Variants in ZNF827 observed in about 807,000 individuals in gnomAD.
ZNF827 encodes the protein zinc finger protein 827.
In ZNF827, 13 loss-of-function variants were observed where a neutral mutation model predicts 102.4. The observed-to-expected ratio is 0.13, with a 90% confidence interval of 0.08 to 0.20. The LOEUF is 0.20. Ranked by LOEUF, ZNF827 falls within the 10% of genes least tolerant of loss-of-function variation. The probability of loss-of-function intolerance (pLI) is 1.00; values close to 1 mark genes in which losing one functional copy is unlikely to be tolerated. For synonymous variants in ZNF827, 523 were observed against 536.2 expected (o/e 0.98, Z 0.34); for missense variants, 1,103 against 1,344.4 (o/e 0.82, Z 2.81).
chr4:145,774,189 A>G (rs1166334709), intron 11 of ZNF827, among the ~76,000 whole-genome samples: 2 of 152,210 alleles, frequency 1.3e-5, no homozygotes, highest in Non-Finnish European at 2.9e-5. Context: ...GTGCAAAGGC[A>G]TAAGACTGGG....
intron 9 of ZNF827, 78 bp downstream of exon 9, chr4:145,779,296 G>GAGA: frequency 6.5e-7 from 1 of 1,527,994 alleles, no homozygotes; most frequent in East Asian, 2.3e-5. Context: ...GCCTCTCTTA[G>GAGA]AGAAACTCAG....
chr4:145,904,945 C>T (rs372560139), intron 1 of ZNF827, among the ~76,000 whole-genome samples: 53 of 152,266 alleles, frequency 3.5e-4, no homozygotes, highest in East Asian at 1.2e-3. Context: ...CACAAAGAGG[C>T]CAGCTAGGAG....
At chr4:145,836,590 G>T (rs1560980588) in intron 7 of ZNF827, among the ~76,000 whole-genome samples, 1 of 152,042 alleles carries the variant, frequency 6.6e-6, no homozygotes, top group Admixed American at 6.5e-5. Context: ...TCCTGGCTCG[G>T]ACTTCAATCC....
At position 145,874,978 on chromosome 4, in the gene ZNF827, T is replaced by C. The variant is rs1161762409; in HGVS notation, c.1748-4500A>G. Reference sequence around the variant, plus strand: ...CGCTTTTTTGAGGATTTATGAAGAATTCAAGATAAAGGCAAATGTGGGAAA... The same window carrying C: ...CGCTTTTTTGAGGATTTATGAAGAACTCAAGATAAAGGCAAATGTGGGAAA... On this transcript the variant is annotated intron_variant, in intron 4 of 14. Transcript: ENST00000508784. Among the ~76,000 whole-genome samples the C allele has an allele frequency of 4.1e-4, 63 of 152,156 alleles. 1 individual carries two copies. The highest frequency in any genetic ancestry group is 4.1e-3 in the Admixed American group (63 of 15,284).
chr4:145,912,860 G>A (rs1752388033), intron 1 of ZNF827, among the ~76,000 whole-genome samples: 1 of 152,176 alleles, frequency 6.6e-6, no homozygotes, highest in African/African-American at 2.4e-5. Flanking sequence ...TTAAGCACTG[G>A]TTTGTGATAC....
At position 145,765,395 on chromosome 4, in the gene ZNF827, C is replaced by A; in HGVS notation, c.3052+152G>T. 1 of 1,092,298 alleles carries A rather than the reference C, an allele frequency of 9.2e-7. No homozygotes were observed. Among genetic ancestry groups the A allele is most frequent in the Non-Finnish European group, 1.3e-6 (1 of 781,884 alleles). The allele number at this position is 1,092,298 out of a possible 1,614,324, so 67.7% of individuals were successfully genotyped here. On this transcript the variant is annotated intron_variant, in intron 12 of 14. Coordinates refer to ENST00000508784, the MANE Select transcript of ZNF827 (RefSeq NM_001306215.2). The surrounding 1 kb of genome is among the most constrained non-coding windows in gnomAD (Gnocchi z 4.7). ...CCCCATACTCGGATTCAAATTAAGC[C>A]AAAAGAAATACAACCTTTAGGTGAG...
In ZNF827 at chr4:145,765,666, G is replaced by A. The variant is rs1372444463; in HGVS notation, c.2933C>T (p.Ala978Val). The change falls in exon 12 of 15, where the codon GCC becomes GTC. Residue 978 changes from alanine to valine, a missense_variant. Around this residue, in one of 5 missense-constraint regions of ZNF827, gnomAD observed 242 missense variants for 361.9 expected, o/e 0.67. Coordinates refer to ENST00000508784, the MANE Select transcript of ZNF827 (RefSeq NM_001306215.2). The surrounding 1 kb of genome is among the most constrained non-coding windows in gnomAD (Gnocchi z 4.7). ...SSSLSALSDS[A>V]NSKDDSDGSQ... is the part of the protein sequence containing the mutation. ...GCCATCTGAATCATCTTTGCTGTTG[G>A]CTGAATCACTCAGAGCTGAGAGGGA... 6.2e-7 allele frequency: 1 copy of A among 1,614,122 alleles called. No individual in the cohort carries two copies. Among genetic ancestry groups the A allele is most frequent in the Non-Finnish European group, 8.5e-7 (1 of 1,180,020 alleles).
chr4:145,903,904 T>A (rs370817759), intron 1 of ZNF827, among the ~76,000 whole-genome samples: 1 of 152,230 alleles, frequency 6.6e-6, no homozygotes, highest in South Asian at 2.1e-4. Flanking sequence ...GGCTTCTGAC[T>A]GTGACAGTAC....
chr4:145,919,930 A>T (rs1028989863), intron 1 of ZNF827, among the ~76,000 whole-genome samples: 2 of 152,258 alleles, frequency 1.3e-5, no homozygotes, highest in African/African-American at 4.8e-5. Context: ...AAAGGGCACA[A>T]GCTTTGGAAC....
At chr4:145,820,048 C>A (rs1455063657) in intron 8 of ZNF827, 2 of 152,422 alleles carry the variant, frequency 1.3e-5, no homozygotes, top group Non-Finnish European at 2.9e-5. Flanking sequence ...CTACCAACCT[C>A]TCTCTACTTT....
intron 4 of ZNF827, among the ~76,000 whole-genome samples, chr4:145,874,474 A>G (rs1392367622): frequency 6.6e-6 from 1 of 152,214 alleles, no homozygotes; most frequent in Non-Finnish European, 1.5e-5. Context: ...TTCAATGACC[A>G]AAAATATTTA....
intron 8 of ZNF827, among the ~76,000 whole-genome samples, 187 bp downstream of exon 8, chr4:145,823,235 T>G (rs551722649): frequency 6.6e-6 from 1 of 152,364 alleles, no homozygotes; most frequent in African/African-American, 2.4e-5. Flanking sequence ...TGAAGAGGCT[T>G]ATTACTGTAA....
intron 2 of ZNF827, among the ~76,000 whole-genome samples, chr4:145,897,220 T>C (rs542662492): frequency 1.8e-4 from 28 of 152,300 alleles, no homozygotes; most frequent in Middle Eastern, 3.4e-3. Context: ...CAAAACTTCA[T>C]TGGGCTAAAA....
At chr4:145,781,099 G>C (rs1344795258) in intron 8 of ZNF827, among the ~76,000 whole-genome samples, 3 of 150,296 alleles carry the variant, frequency 2.0e-5, no homozygotes, top group South Asian at 2.1e-4. Flanking sequence ...AGGAGGCTGA[G>C]GCAGAAGAAT....
In ZNF827 at chr4:145,762,273, C is replaced by G. The variant is rs1421241910; in HGVS notation, c.*18-675G>C. ...CTTTGTCAGGAAAGGAAGCTGAGGA[C>G]TATGGCAGGGGCATGGGAGGAGAAG... On this transcript the variant is annotated intron_variant, in intron 14 of 14. Coordinates refer to ENST00000508784, the MANE Select transcript of ZNF827 (RefSeq NM_001306215.2). This position sits in a 1 kb window ranked among gnomAD's most constrained non-coding sequence, Gnocchi z 4.9. Among the ~76,000 whole-genome samples the G allele has an allele frequency of 6.6e-6, 1 of 152,064 alleles. No homozygotes were observed. The highest frequency in any genetic ancestry group is 2.4e-5 in the African/African-American group (1 of 41,380).
intron 11 of ZNF827, among the ~76,000 whole-genome samples, chr4:145,773,265 C>T (rs1736557613): frequency 6.6e-6 from 1 of 152,218 alleles, no homozygotes; most frequent in Admixed American, 6.5e-5. Flanking sequence ...AGTCAGACAA[C>T]TGACTGTAAA....
chr4:145,895,666 C>T lies in ZNF827; in HGVS notation c.1094-3251G>A, dbSNP rs143534555. On this transcript the variant is annotated intron_variant, in intron 2 of 14. Coordinates refer to ENST00000508784, the MANE Select transcript of ZNF827 (RefSeq NM_001306215.2). ...CCAGTCATCTCACCGATAACATCTA[C>T]ATTTTTATTTATTCAAGAAAGAAAT... Among the ~76,000 whole-genome samples, 19 of 152,306 alleles carry T rather than the reference C, an allele frequency of 1.2e-4. No homozygotes were observed. In the East Asian group the frequency reaches 3.7e-3, roughly 29 times the overall value.
At chr4:145,858,567 A>G (rs1344185978) in intron 5 of ZNF827, among the ~76,000 whole-genome samples, 1 of 151,206 alleles carries the variant, frequency 6.6e-6, no homozygotes, top group Non-Finnish European at 1.5e-5. Flanking sequence ...GCTTGAGGCC[A>G]GGAGTTTGTG....
chr4:145,777,650 G>A (rs1737324199), intron 9 of ZNF827, among the ~76,000 whole-genome samples: 1 of 152,032 alleles, frequency 6.6e-6, no homozygotes, highest in Non-Finnish European at 1.5e-5. Flanking sequence ...CTAACTTTGA[G>A]TATTTTTGCT....
Sources: allele counts gnomAD v4.1 joint callset (sites outside exome capture counted in the v4.1 genomes callset), GRCh38; gene constraint gnomAD v4.1.1; regional missense constraint gnomAD v4.1.1; non-coding constraint Gnocchi (gnomAD v3.1); transcripts MANE v1.5; gene names NCBI Gene and HGNC (gene_info 2026-07-23, HGNC 2026-07-21).